TLN2: variants seen among roughly 807,000 people sequenced by gnomAD.
The protein encoded by TLN2 is talin-2.
TLN2 carries 118 observed loss-of-function variants against 294.7 expected under a neutral mutation model. That is an observed-to-expected ratio of 0.40 (90% CI 0.34 to 0.47). The LOEUF (loss-of-function observed/expected upper bound fraction) is 0.47. Ranked by LOEUF, TLN2 falls within the 20% of genes least tolerant of loss-of-function variation. The pLI is 0.84. For synonymous variants in TLN2, 1,431 were observed against 1,304.5 expected (o/e 1.10, Z -2.09); for missense variants, 3,083 against 3,282.2 (o/e 0.94, Z 1.48).
intron 3 of TLN2, among the ~76,000 whole-genome samples, chr15:62,636,000 C>A (rs769152338): frequency 9.9e-5 from 15 of 152,072 alleles, no homozygotes; most frequent in Non-Finnish European, 2.1e-4. Context: ...TGGGCGAAGT[C>A]TAAACCTCTT....
At chr15:62,634,200 A>G (rs2050173479) in intron 3 of TLN2, among the ~76,000 whole-genome samples, 1 of 152,190 alleles carries the variant, frequency 6.6e-6, no homozygotes, top group Admixed American at 6.5e-5. Flanking sequence ...GACAAGATGA[A>G]TATCAATTTT....
intron 3 of TLN2, among the ~76,000 whole-genome samples, chr15:62,631,583 TCTC>T (rs1157979584): frequency 1.4e-5 from 2 of 147,562 alleles, no homozygotes; most frequent in Non-Finnish European, 1.5e-5. Flanking sequence ...TTTCTTTCTC[TCTC>T]TTCTTTCACT....
At chr15:62,737,353 A>G (rs769060671) in intron 29 of TLN2, among the ~76,000 whole-genome samples, 2 of 152,238 alleles carry the variant, frequency 1.3e-5, no homozygotes, top group African/African-American at 2.4e-5. Flanking sequence ...TGGGAGTTTC[A>G]GAGCCAGGAC....
In TLN2 at chr15:62,781,189, A is replaced by G. The variant is rs1246171790; in HGVS notation, c.5564A>G (p.Gln1855Arg). The change falls in exon 44 of 59, where the codon CAG becomes CGG. Residue 1855 changes from glutamine to arginine, a missense_variant. Coordinates refer to ENST00000636159, the MANE Select transcript of TLN2 (RefSeq NM_015059.3). ...CCAAAGGGAACATTTGTCGACTATC[A>G]GACGACTGTGGTTAAATACTCCAAA... ...PEPKGTFVDY[Q>R]TTVVKYSKAI... The G allele has an allele frequency of 6.2e-7, 1 of 1,614,112 alleles. No homozygotes were observed. Among genetic ancestry groups the G allele is most frequent in the Non-Finnish European group, 8.5e-7 (1 of 1,180,048 alleles).
chr15:62,470,617 C>G (rs921645711), intron 1 of TLN2, among the ~76,000 whole-genome samples: 5 of 152,196 alleles, frequency 3.3e-5, no homozygotes, highest in African/African-American at 1.2e-4. Flanking sequence ...GGAGCAGGTG[C>G]TGGGCAGGTG....
intron 1 of TLN2, among the ~76,000 whole-genome samples, chr15:62,477,329 G>A (rs2140374561): frequency 6.6e-6 from 1 of 152,304 alleles, no homozygotes; most frequent in Admixed American, 6.5e-5. Flanking sequence ...TAAGCTTTTT[G>A]ATGAAAATAA....
chr15:62,527,098 A>G (rs775473854), intron 1 of TLN2, among the ~76,000 whole-genome samples: 30 of 152,194 alleles, frequency 2.0e-4, no homozygotes, highest in Non-Finnish European at 1.8e-4. Flanking sequence ...AATTGTTGAG[A>G]CAAGTGCCTT....
At chr15:62,754,003 A>G (rs1245905819) in intron 36 of TLN2, 87 bp downstream of exon 36, 2 of 1,378,890 alleles carry the variant, frequency 1.5e-6, no homozygotes, top group South Asian at 2.0e-5. Context: ...TTAGTAAAGA[A>G]TCTTGTTCTT....
chr15:62,738,449 C>G (rs1343867572), intron 30 of TLN2, 116 bp downstream of exon 30: 1 of 1,267,966 alleles, frequency 7.9e-7, no homozygotes, highest in Non-Finnish European at 1.0e-6. Context: ...TTTAGGAGTC[C>G]TGTTTTTCCC....
At chr15:62,489,709 G>C (rs569684846) in intron 1 of TLN2, among the ~76,000 whole-genome samples, 5 of 152,278 alleles carry the variant, frequency 3.3e-5, no homozygotes, top group African/African-American at 9.6e-5. Context: ...GCATGTGATC[G>C]CAGAGACCAA....
At chr15:62,679,264 A>T (rs1314386431) in intron 11 of TLN2, among the ~76,000 whole-genome samples, 1 of 152,170 alleles carries the variant, frequency 6.6e-6, no homozygotes, top group East Asian at 1.9e-4. Context: ...CAGCAATCCC[A>T]CTTCTATGAA....
intron 1 of TLN2, among the ~76,000 whole-genome samples, chr15:62,497,762 T>A (rs2039083863): frequency 6.6e-6 from 1 of 152,216 alleles, no homozygotes; most frequent in Non-Finnish European, 1.5e-5. Flanking sequence ...GATACATTTA[T>A]AGCTCTAAAT....
At chr15:62,481,099 C>A (rs1301342826) in intron 1 of TLN2, among the ~76,000 whole-genome samples, 1 of 152,138 alleles carries the variant, frequency 6.6e-6, no homozygotes, top group African/African-American at 2.4e-5. Flanking sequence ...TCCATAGAGA[C>A]GTCTAATCAC....
At chr15:62,587,466 T>G (rs1317813894) in intron 1 of TLN2, among the ~76,000 whole-genome samples, 5 of 152,376 alleles carry the variant, frequency 3.3e-5, no homozygotes, top group African/African-American at 1.2e-4. Flanking sequence ...TGAATCATAC[T>G]GCATATGGTC....
chr15:62,807,956 G>C (rs1261569016), intron 51 of TLN2, among the ~76,000 whole-genome samples: 1 of 152,136 alleles, frequency 6.6e-6, no homozygotes, highest in African/African-American at 2.4e-5. Flanking sequence ...TGGCCGAAAG[G>C]GAGCGCATGC....
intron 32 of TLN2, among the ~76,000 whole-genome samples, chr15:62,744,153 C>T (rs1400416644): frequency 6.6e-6 from 1 of 152,170 alleles, no homozygotes; most frequent in Non-Finnish European, 1.5e-5. Flanking sequence ...CTACATCGAG[C>T]CCTCCCTTTC....
intron 1 of TLN2, among the ~76,000 whole-genome samples, chr15:62,529,199 C>A (rs1205375106): frequency 6.6e-6 from 1 of 151,772 alleles, no homozygotes; most frequent in Non-Finnish European, 1.5e-5. Context: ...GCTCAGTTGA[C>A]CCTCTTACGT....
chr15:62,740,817 T>C (rs554352680), intron 32 of TLN2, 48 bp downstream of exon 32: 3 of 1,608,856 alleles, frequency 1.9e-6, no homozygotes, highest in East Asian at 2.2e-5. Flanking sequence ...GACAGTGTCA[T>C]TGCAGTCTGA....
chr15:62,594,518 A>G (rs1028738285), intron 2 of TLN2, among the ~76,000 whole-genome samples: 3 of 152,236 alleles, frequency 2.0e-5, no homozygotes, highest in East Asian at 1.9e-4. Context: ...ACCCACCTCA[A>G]TTGATTTTTG....
Sources: gnomAD v4.1 joint callset for allele counts (sites outside exome capture counted in the v4.1 genomes callset) on GRCh38, gnomAD v4.1.1 for gene constraint, MANE v1.5 for transcripts, NCBI Gene and HGNC (gene_info 2026-07-23, HGNC 2026-07-21) for gene names.